TPBG: variants seen among roughly 807,000 people sequenced by gnomAD.
TPBG encodes the protein 5T4 oncofetal antigen.
In TPBG, 13 loss-of-function variants were observed where a neutral mutation model predicts 19.3. The observed-to-expected ratio is 0.67, with a 90% confidence interval of 0.44 to 1.07. The LOEUF is 1.07. Among genes scored for constraint, TPBG ranks in the 50% least tolerant of loss-of-function variants. The pLI is 0.00. For synonymous variants in TPBG, 338 were observed against 259.8 expected (o/e 1.30, Z -2.89); for missense variants, 642 against 559.6 (o/e 1.15, Z -1.49).
chr6:82,365,599 G>A lies in TPBG; in HGVS notation c.638G>A (p.Arg213His), dbSNP rs1243824868. The A allele has an allele frequency of 3.1e-6, 5 of 1,598,982 alleles. No individual in the cohort carries two copies. Among genetic ancestry groups the A allele is most frequent in the East Asian group, 2.2e-5 (1 of 44,782 alleles). Reference protein sequence around the residue: ...LLAGRALQGLRRLELASNHFL... With the variant: ...LLAGRALQGLHRLELASNHFL... ...GCGGGCCGTGCACTGCAGGGGCTCC[G>A]CCGCTTGGAGCTGGCCAGCAACCAC... The change falls in exon 2 of 2, where the codon CGC (arginine) becomes CAC (histidine). Residue 213 changes from arginine (R) to histidine (H), a missense_variant. Arg to His is a conservative substitution (Grantham distance 29). Transcript: ENST00000369750.
At chr6:82,364,457 C>T (rs1767413530) in intron 1 of TPBG, 166 bp from the exon 2 acceptor site, 1 of 154,396 alleles carries the variant, frequency 6.5e-6, no homozygotes, top group African/African-American at 2.4e-5. Flanking sequence ...GCGTCCCCCT[C>T]CGGAGTAAAA....
Position 82,365,168 on chromosome 6 carries a change from C to T in TPBG, c.207C>T (p.Ser69=), listed in dbSNP as rs1441345542. Residue 69 remains serine (S), a synonymous_variant, in exon 2 of 2, where the codon TCC becomes TCT. Transcript: ENST00000369750. The part of the protein sequence containing the change: ...PDQCPALCEC[S]EAARTVKCVN... Reference sequence around the variant, plus strand: ...AGTGCCCCGCGCTGTGCGAGTGCTCCGAGGCAGCGCGCACAGTCAAGTGCG... The same window carrying T: ...AGTGCCCCGCGCTGTGCGAGTGCTCTGAGGCAGCGCGCACAGTCAAGTGCG... 6.2e-7 allele frequency: 1 copy of T among 1,603,610 alleles called. No homozygotes were observed. The highest frequency in any genetic ancestry group is 8.5e-7 in the Non-Finnish European group (1 of 1,176,212).
chr6:82,366,270 A>T lies in TPBG; in HGVS notation c.*46A>T. 6.5e-7 allele frequency: 1 copy of T among 1,528,856 alleles called. No homozygotes were observed. 94.7% of individuals were successfully genotyped at this position (1,528,856 alleles called of 1,614,324 possible). On this transcript the variant is annotated 3_prime_UTR_variant, in exon 2 of 2. Coordinates refer to ENST00000369750, the MANE Select transcript of TPBG (RefSeq NM_001376922.1). Reference sequence around the variant, plus strand: ...AAGGACAACTCTGCATGAGATGTAGACTTAAGCTTTATCCCTACTAGGCTT... The same window carrying T: ...AAGGACAACTCTGCATGAGATGTAGTCTTAAGCTTTATCCCTACTAGGCTT...
In TPBG at chr6:82,365,338, GCGGC is replaced by G; in HGVS notation, c.378_381del (p.Ser126ArgfsTer52). 6.3e-7 allele frequency: 1 copy of G among 1,578,260 alleles called. No homozygotes were observed. The highest frequency in any genetic ancestry group is 8.5e-7 in the Non-Finnish European group (1 of 1,169,990). On this transcript the variant is annotated frameshift_variant, in exon 2 of 2. Coordinates refer to ENST00000369750, the MANE Select transcript of TPBG (RefSeq NM_001376922.1). LOFTEE classifies it high-confidence loss of function. The stretch of plus-strand genomic sequence containing the variant: ...GCGGAGCTGGCCGCGCTCAACCTCA[GCGGC>G]AGCCGCCTGGACGAGGTGCGCGCGG...
chr6:82,364,983 G>GGCCCCGCC lies in TPBG; in HGVS notation c.26_33dup (p.Gly12ProfsTer13). Reference sequence around the variant, plus strand: ...CGCGATGCCTGGGGGGTGCTCCCGGGGCCCCGCCGCCGGGGACGGGCGTCT... The same window carrying GGCCCCGCC: ...CGCGATGCCTGGGGGGTGCTCCCGGGGCCCCGCCGCCCCGCCGCCGGGGACGGGCGTCT... On this transcript the variant is annotated frameshift_variant, in exon 2 of 2. Coordinates refer to ENST00000369750, the MANE Select transcript of TPBG (RefSeq NM_001376922.1). LOFTEE classifies it high-confidence loss of function. The GGCCCCGCC allele has an allele frequency of 6.6e-7, 1 of 1,520,214 alleles. No individual in the cohort carries two copies. Among genetic ancestry groups the GGCCCCGCC allele is most frequent in the South Asian group, 1.3e-5 (1 of 79,480 alleles). The allele number at this position is 1,520,214 out of a possible 1,614,324, so 94.2% of individuals were successfully genotyped here.
Position 82,365,644 on chromosome 6 carries a change from A to G in TPBG, c.683A>G (p.Asp228Gly). ...ASNHFLYLPR[D>G]VLAQLPSLRH... Reference sequence around the variant, plus strand: ...AACCACTTCCTTTACCTGCCGCGGGATGTGCTGGCCCAACTGCCCAGCCTC... The same window carrying G: ...AACCACTTCCTTTACCTGCCGCGGGGTGTGCTGGCCCAACTGCCCAGCCTC... Residue 228 changes from aspartate to glycine, a missense_variant, in exon 2 of 2, where the codon GAT becomes GGT. Coordinates refer to ENST00000369750, the MANE Select transcript of TPBG (RefSeq NM_001376922.1). 2 of 1,605,062 alleles carry G rather than the reference A, an allele frequency of 1.2e-6. No individual in the cohort carries two copies. The highest frequency in any genetic ancestry group is 1.7e-6 in the Non-Finnish European group (2 of 1,175,348).
rs1195680534 is a variant in TPBG, at chr6:82,365,090, C to T, written c.129C>T (p.Ser43=). 2.5e-6 allele frequency: 4 copies of T among 1,570,700 alleles called. No homozygotes were observed. Among genetic ancestry groups the T allele is most frequent in the Admixed American group, 3.8e-5 (2 of 53,280 alleles). The change falls in exon 2 of 2, where the codon TCC becomes TCT. Residue 43 remains serine (S), a synonymous_variant. Coordinates refer to ENST00000369750, the MANE Select transcript of TPBG (RefSeq NM_001376922.1). ...CCTCCTCGGCATCCTCCTTCTCCTC[C>T]TCGGCGCCGTTCCTGGCTTCCGCCG... ...SPTSSASSFS[S]SAPFLASAVS...
upstream of TPBG, chr6:82,363,194 C>CT (rs970601445): frequency 9.9e-4 from 148 of 149,346 alleles, no homozygotes; most frequent in East Asian, 2.3e-3. Context: ...CTCCACTAAT[C>CT]TTTTTTTTTT....
chr6:82,365,302 G>C lies in TPBG; in HGVS notation c.341G>C (p.Arg114Pro). The C allele has an allele frequency of 3.2e-6, 5 of 1,564,656 alleles. No individual in the cohort carries two copies. The highest frequency in any genetic ancestry group is 4.3e-6 in the Non-Finnish European group (5 of 1,165,624). The change falls in exon 2 of 2, where the codon CGG (arginine) becomes CCG (proline). Residue 114 changes from arginine to proline, a missense_variant. Arg to Pro is a moderately radical substitution (Grantham distance 103, BLOSUM62 -2). Coordinates refer to ENST00000369750, the MANE Select transcript of TPBG (RefSeq NM_001376922.1). Reference protein sequence around the residue: ...AVLPAGAFARRPPLAELAALN... With the variant: ...AVLPAGAFARPPPLAELAALN... ...CTCCCTGCCGGCGCCTTCGCCCGCC[G>C]GCCGCCGCTGGCGGAGCTGGCCGCG... is the stretch of plus-strand genomic sequence containing the variant.
At chr6:82,363,550 T>C (rs953391219), upstream of TPBG, 1 of 151,862 alleles carries the variant, frequency 6.6e-6, no homozygotes, top group Non-Finnish European at 1.5e-5. Flanking sequence ...GTAAATACAG[T>C]ATGCAAAATG....
chr6:82,364,618 C>T lies in TPBG; in HGVS notation c.-339-5C>T, dbSNP rs957844988. ...CTGTTCACGCCTCTCTCCTGCTTGTCCCAGGTCCCTCAGAGGATCCAGCGA... is the reference window on the plus strand; with the variant it reads ...CTGTTCACGCCTCTCTCCTGCTTGTTCCAGGTCCCTCAGAGGATCCAGCGA... On this transcript the variant is annotated splice_region_variant and splice_polypyrimidine_tract_variant and intron_variant, in intron 1 of 1. Coordinates refer to ENST00000369750, the MANE Select transcript of TPBG (RefSeq NM_001376922.1). 4 of 279,712 alleles carry T rather than the reference C, an allele frequency of 1.4e-5. No individual in the cohort carries two copies. Among genetic ancestry groups the T allele is most frequent in the Middle Eastern group, 1.0e-3 (1 of 996 alleles). 17.3% of individuals were successfully genotyped at this position (279,712 alleles called of 1,614,324 possible). A position where few individuals can be genotyped will look rare whatever the true frequency, so the allele number is the denominator to read the frequency against.
In TPBG at chr6:82,365,994, G is replaced by A. The variant is rs763562281; in HGVS notation, c.1033G>A (p.Asp345Asn). ...ACTCAACAGTGCTGACCTGGACTGT[G>A]ACCCGATTCTTCCCCCATCCCTGCA... ...LELNSADLDC[D>N]PILPPSLQTS... Residue 345 changes from aspartate (D) to asparagine (N), a missense_variant, in exon 2 of 2, where the codon GAC becomes AAC. Transcript: ENST00000369750. The A allele has an allele frequency of 6.2e-7, 1 of 1,613,696 alleles. No individual in the cohort carries two copies. The highest frequency in any genetic ancestry group is 1.3e-5 in the African/African-American group (1 of 74,916).
In TPBG at chr6:82,366,915, A is replaced by G. The variant is rs1401347394; in HGVS notation, c.*691A>G. 2.4e-5 allele frequency: 4 copies of G among 167,024 alleles called. No individual in the cohort carries two copies. The highest frequency in any genetic ancestry group is 9.6e-5 in the African/African-American group (4 of 41,558). The allele number at this position is 167,024 out of a possible 1,614,324, so 10.3% of individuals were successfully genotyped here. A position where few individuals can be genotyped will look rare whatever the true frequency, so the allele number is the denominator to read the frequency against. Reference sequence around the variant, plus strand: ...GAATTGTTAAAAAAAAAAAAAATAAAGATTCTTAAAAGAATTACAGTGTGT... The same window carrying G: ...GAATTGTTAAAAAAAAAAAAAATAAGGATTCTTAAAAGAATTACAGTGTGT... On this transcript the variant is annotated 3_prime_UTR_variant, in exon 2 of 2. Coordinates refer to ENST00000369750, the MANE Select transcript of TPBG (RefSeq NM_001376922.1).
At position 82,365,111 on chromosome 6, in the gene TPBG, C is replaced by T. The variant is rs139823445; in HGVS notation, c.150C>T (p.Ser50=). The T allele has an allele frequency of 1.3e-4, 202 of 1,589,466 alleles. 3 individuals carry two copies. In the Admixed American group the frequency reaches 3.2e-3, roughly 25 times the overall value. The change falls in exon 2 of 2, where the codon TCC becomes TCT. Residue 50 remains serine, a synonymous_variant. Transcript: ENST00000369750. ...SFSSSAPFLA[S]AVSAQPPLPD... is the part of the protein sequence containing the mutation. ...CCTCCTCGGCGCCGTTCCTGGCTTC[C>T]GCCGTGTCCGCCCAGCCCCCGCTGC...
chr6:82,364,830 C>G lies in TPBG; in HGVS notation c.-132C>G. Reference sequence around the variant, plus strand: ...TAGCCAAGTTCCGGCTGCGGCGCCACTCCCTCGGTTCCACGAGAGGAAAGT... The same window carrying G: ...TAGCCAAGTTCCGGCTGCGGCGCCAGTCCCTCGGTTCCACGAGAGGAAAGT... On this transcript the variant is annotated 5_prime_UTR_variant, in exon 2 of 2. Transcript: ENST00000369750. The G allele has an allele frequency of 1.3e-6, 1 of 791,200 alleles. No individual in the cohort carries two copies. Among genetic ancestry groups the G allele is most frequent in the African/African-American group, 1.8e-5 (1 of 54,578 alleles). 49.0% of individuals were successfully genotyped at this position (791,200 alleles called of 1,614,324 possible).
Position 82,364,680 on chromosome 6 carries a change from C to T in TPBG, c.-282C>T. On this transcript the variant is annotated 5_prime_UTR_variant, in exon 2 of 2. Coordinates refer to ENST00000369750, the MANE Select transcript of TPBG (RefSeq NM_001376922.1). ...AAGAGGCGAAGAGGTGGCACCAGGG[C>T]GGCGGCAGGAAGAGGAGCGGGAGCA... is the stretch of plus-strand genomic sequence containing the variant. 7.5e-6 allele frequency: 3 copies of T among 398,128 alleles called. No individual in the cohort carries two copies. The highest frequency in any genetic ancestry group is 1.3e-5 in the Non-Finnish European group (3 of 227,556). 24.7% of individuals were successfully genotyped at this position (398,128 alleles called of 1,614,324 possible). A position where few individuals can be genotyped will look rare whatever the true frequency, so the allele number is the denominator to read the frequency against.
In TPBG at chr6:82,365,888, C is replaced by G. The variant is rs756912263; in HGVS notation, c.927C>G (p.Leu309=). The change falls in exon 2 of 2, where the codon CTC becomes CTG. Residue 309 remains leucine (L), a synonymous_variant. Coordinates refer to ENST00000369750, the MANE Select transcript of TPBG (RefSeq NM_001376922.1). The part of the protein sequence containing the change: ...DCHMADMVTW[L]KETEVVQGKD... ...ACATGGCAGACATGGTGACCTGGCTCAAGGAAACAGAGGTAGTGCAGGGCA... is the reference window on the plus strand; with the variant it reads ...ACATGGCAGACATGGTGACCTGGCTGAAGGAAACAGAGGTAGTGCAGGGCA... 6.2e-7 allele frequency: 1 copy of G among 1,614,150 alleles called. No homozygotes were observed. The highest frequency in any genetic ancestry group is 8.5e-7 in the Non-Finnish European group (1 of 1,180,034).
At position 82,365,089 on chromosome 6, in the gene TPBG, C is replaced by T. The variant is rs984020597; in HGVS notation, c.128C>T (p.Ser43Phe). The change falls in exon 2 of 2, where the codon TCC becomes TTC. Residue 43 changes from serine to phenylalanine, a missense_variant. Coordinates refer to ENST00000369750, the MANE Select transcript of TPBG (RefSeq NM_001376922.1). The part of the protein sequence containing the change: ...SPTSSASSFS[S>F]SAPFLASAVS... Reference sequence around the variant, plus strand: ...ACCTCCTCGGCATCCTCCTTCTCCTCCTCGGCGCCGTTCCTGGCTTCCGCC... The same window carrying T: ...ACCTCCTCGGCATCCTCCTTCTCCTTCTCGGCGCCGTTCCTGGCTTCCGCC... The T allele has an allele frequency of 8.3e-6, 13 of 1,569,782 alleles. No homozygotes were observed. Among genetic ancestry groups the T allele is most frequent in the East Asian group, 2.4e-5 (1 of 41,862 alleles).
Position 82,364,833 on chromosome 6 carries a change from C to T in TPBG, c.-129C>T, listed in dbSNP as rs565555104. 16 of 828,334 alleles carry T rather than the reference C, an allele frequency of 1.9e-5. No individual in the cohort carries two copies. Among genetic ancestry groups the T allele is most frequent in the Non-Finnish European group, 2.7e-5 (16 of 586,004 alleles). The allele number at this position is 828,334 out of a possible 1,614,324, so 51.3% of individuals were successfully genotyped here. On this transcript the variant is annotated 5_prime_UTR_variant, in exon 2 of 2. Coordinates refer to ENST00000369750, the MANE Select transcript of TPBG (RefSeq NM_001376922.1). ...CCAAGTTCCGGCTGCGGCGCCACTCCCTCGGTTCCACGAGAGGAAAGTTTT... is the reference window on the plus strand; with the variant it reads ...CCAAGTTCCGGCTGCGGCGCCACTCTCTCGGTTCCACGAGAGGAAAGTTTT...
Sources: gnomAD v4.1 joint callset for allele counts on GRCh38, gnomAD v4.1.1 for gene constraint, MANE v1.5 for transcripts, NCBI Gene and HGNC (gene_info 2026-07-23, HGNC 2026-07-21) for gene names.